Variants in DENND1B observed in about 807,000 individuals in gnomAD.
DENND1B encodes the protein DENN domain-containing protein 1B.
DENND1B carries 59 observed loss-of-function variants against 90.1 expected under a neutral mutation model. That is an observed-to-expected ratio of 0.65 (90% confidence interval 0.53 to 0.81). DENND1B has a LOEUF of 0.81. Ranked by LOEUF, DENND1B falls within the 40% of genes least tolerant of loss-of-function variation. DENND1B has a pLI of 0.00. For missense variants in DENND1B, 862 were observed against 912.6 expected, an observed-to-expected ratio of 0.94 and a Z score of 0.71; for synonymous variants, 337 against 324.6, an observed-to-expected ratio of 1.04 and a Z score of -0.41.
chr1:197,561,529 G>A (rs1190987775), intron 15 of DENND1B, among the ~76,000 whole-genome samples: 2 of 151,524 alleles, frequency 1.3e-5, no homozygotes, highest in Admixed American at 6.6e-5. Context: ...TAATCTACAT[G>A]CTGATGGCTT....
chr1:197,776,111 A>G (rs764478758), upstream of DENND1B, among the ~76,000 whole-genome samples: 2 of 152,214 alleles, frequency 1.3e-5, no homozygotes, highest in Non-Finnish European at 2.9e-5. Flanking sequence ...ACATAGTCGC[A>G]GGCCTCATAG....
chr1:197,564,087 C>T (rs970339058), intron 15 of DENND1B, among the ~76,000 whole-genome samples: 3 of 151,878 alleles, frequency 2.0e-5, no homozygotes, highest in African/African-American at 7.2e-5. Flanking sequence ...ATGAAATCTA[C>T]TCCTGGTGAA....
At chr1:197,674,594 A>G (rs893020887) in intron 3 of DENND1B, among the ~76,000 whole-genome samples, 2 of 152,156 alleles carry the variant, frequency 1.3e-5, no homozygotes, top group Non-Finnish European at 2.9e-5. Context: ...AGGCAGAGAA[A>G]AGGGAATGAA....
intron 15 of DENND1B, among the ~76,000 whole-genome samples, chr1:197,556,672 T>A (rs960149833): frequency 6.6e-6 from 1 of 152,120 alleles, no homozygotes; most frequent in South Asian, 2.1e-4. Context: ...AGTTTTATGA[T>A]CTTGGGCCAC....
At position 197,603,579 on chromosome 1, in the gene DENND1B, CT is replaced by C. The variant is rs1207318531; in HGVS notation, c.921+3493del. Among the ~76,000 whole-genome samples the C allele has an allele frequency of 1.3e-4, 19 of 151,110 alleles. 1 individual carries two copies. The highest frequency in any genetic ancestry group is 4.4e-4 in the African/African-American group (18 of 41,378). ...TAATGAATATTCTAATACATGTAAC[CT>C]TTTCAGATGTCAATTCTAATGTGCT... On this transcript the variant is annotated intron_variant, in intron 13 of 22. Transcript: ENST00000620048.
chr1:197,766,003 T>A lies in DENND1B; in HGVS notation c.82+6865A>T, dbSNP rs181691031. Among the ~76,000 whole-genome samples, 3 of 152,372 alleles carry A rather than the reference T, an allele frequency of 2.0e-5. No individual in the cohort carries two copies. In the East Asian group the frequency reaches 5.8e-4, roughly 29 times the overall value. ...TACATATATTCTCAACTATTTTCTATATAAATCAAGAAGGGCATAACCCAA... is the reference window on the plus strand; with the variant it reads ...TACATATATTCTCAACTATTTTCTAAATAAATCAAGAAGGGCATAACCCAA... On this transcript the variant is annotated intron_variant, in intron 2 of 22. Transcript: ENST00000620048.
rs57336611 is a variant in DENND1B at position 197,617,842 on chromosome 1, C to CAGTG, written c.673-84_673-83insCACT. The CAGTG allele has an allele frequency of 6.8e-3, 5,922 of 872,026 alleles. 221 individuals are homozygous for CAGTG. The African/African-American group carries it at 0.085, about 13-fold the overall frequency. The allele number at this position is 872,026 out of a possible 1,614,324, so 54.0% of individuals were successfully genotyped here. On this transcript the variant is annotated intron_variant, in intron 10 of 22. Coordinates refer to ENST00000620048, the MANE Select transcript of DENND1B (RefSeq NM_001195215.2). ...CAATGTTCAATGTATCAACAATGAA[C>CAGTG]AGTAATCACAGAACAATTTACATAA...
In DENND1B at chr1:197,601,936, C is replaced by CA. The variant is rs149944380; in HGVS notation, c.921+5136dup. Among the ~76,000 whole-genome samples the CA allele has an allele frequency of 5.9e-3, 898 of 151,260 alleles. 13 individuals are homozygous for CA. The highest frequency in any genetic ancestry group is 0.02 in the African/African-American group (838 of 41,364). On this transcript the variant is annotated intron_variant, in intron 13 of 22. Transcript: ENST00000620048. ...AAATCTATAATAGTTTACCTACAAA[C>CA]AAAAAAACTACTTTGTAAATAATTA...
intron 13 of DENND1B, among the ~76,000 whole-genome samples, chr1:197,595,877 A>G (rs1444102012): frequency 1.3e-5 from 2 of 152,100 alleles, no homozygotes; most frequent in African/African-American, 4.8e-5. Flanking sequence ...ATGAGTGGAG[A>G]ATTTTATGCA....
chr1:197,554,900 A>G (rs1035154947), intron 15 of DENND1B, among the ~76,000 whole-genome samples: 1 of 151,702 alleles, frequency 6.6e-6, no homozygotes, highest in African/African-American at 2.4e-5. Context: ...CACCAGTTAT[A>G]AGACTTTGAT....
At chr1:197,706,276 A>G (rs577192463) in intron 3 of DENND1B, among the ~76,000 whole-genome samples, 32 of 152,330 alleles carry the variant, frequency 2.1e-4, no homozygotes, top group African/African-American at 7.5e-4. Flanking sequence ...ACTTATTTCT[A>G]TCAAAACTTA....
intron 2 of DENND1B, among the ~76,000 whole-genome samples, chr1:197,772,509 T>G (rs570164210): frequency 6.6e-6 from 1 of 152,278 alleles, no homozygotes; most frequent in African/African-American, 2.4e-5. Flanking sequence ...CTTTGACAGA[T>G]TCAATCAATT....
chr1:197,679,974 A>T (rs1341785259), intron 3 of DENND1B, among the ~76,000 whole-genome samples: 2 of 151,992 alleles, frequency 1.3e-5, no homozygotes, highest in African/African-American at 2.4e-5. Flanking sequence ...ACATGGTGAA[A>T]CCCTGTTTCT....
chr1:197,573,010 T>A (rs1331375213), intron 15 of DENND1B, among the ~76,000 whole-genome samples: 1 of 152,132 alleles, frequency 6.6e-6, no homozygotes, highest in Admixed American at 6.6e-5. Context: ...TTTTATTGCG[T>A]CTATTTGATT....
chr1:197,753,206 C>T (rs1193069139), intron 2 of DENND1B, among the ~76,000 whole-genome samples: 1 of 151,924 alleles, frequency 6.6e-6, no homozygotes, highest in Non-Finnish European at 1.5e-5. Flanking sequence ...CTTTATCAAA[C>T]GTGCAAAAGA....
intron 6 of DENND1B, among the ~76,000 whole-genome samples, chr1:197,653,864 A>G (rs1375174878): frequency 2.6e-5 from 4 of 152,186 alleles, no homozygotes. Context: ...TTCCACATGT[A>G]CATTCACAAA....
chr1:197,754,548 C>T (rs1156815788), intron 2 of DENND1B, among the ~76,000 whole-genome samples: 1 of 150,770 alleles, frequency 6.6e-6, no homozygotes, highest in Non-Finnish European at 1.5e-5. Flanking sequence ...ATCCCACTTA[C>T]TCAGGTGGCT....
Position 197,583,207 on chromosome 1 carries a change from G to A in DENND1B, c.1094C>T (p.Ser365Leu), listed in dbSNP as rs781038103. The change falls in exon 15 of 23, where the codon TCA becomes TTA. Residue 365 changes from serine (S) to leucine (L), a missense_variant. Transcript: ENST00000620048. ...TTCCAGGAACTGTTTCATCACGCTT[G>A]AGCGGTGCTTTACAAAACTCTCCTC... ...FCEESFVKHR[S>L]SVMKQFLETA... The A allele has an allele frequency of 6.2e-7, 1 of 1,613,880 alleles. No individual in the cohort carries two copies. The highest frequency in any genetic ancestry group is 1.1e-5 in the South Asian group (1 of 91,080).
rs559140564 is a variant in DENND1B, at chr1:197,614,725, A to G, written c.774-2749T>C. Among the ~76,000 whole-genome samples, 5 of 151,082 alleles carry G rather than the reference A, an allele frequency of 3.3e-5. No individual in the cohort carries two copies. In the East Asian group the frequency reaches 9.8e-4, roughly 30 times the overall value. On this transcript the variant is annotated intron_variant, in intron 11 of 22. Transcript: ENST00000620048. ...TAACAGCAGTCTATTGGGGTAGTCT[A>G]AAGAATACAATTTTCCATTTTTTTA...
Sources: allele counts gnomAD v4.1 joint callset (sites outside exome capture counted in the v4.1 genomes callset), GRCh38; gene constraint gnomAD v4.1.1; transcripts MANE v1.5; gene names NCBI Gene and HGNC (gene_info 2026-07-23, HGNC 2026-07-21).